Variants in RAPGEF6 observed in about 807,000 individuals in gnomAD.
RAPGEF6 encodes the protein Rap guanine nucleotide exchange factor 6.
Under a neutral mutation model 171.4 loss-of-function variants are expected in RAPGEF6, and 56 were observed. That is an observed-to-expected ratio of 0.33 (90% confidence interval 0.26 to 0.41). The LOEUF (loss-of-function observed/expected upper bound fraction) is 0.41, where lower values mean the gene tolerates loss of function less well. Among genes scored for constraint, RAPGEF6 ranks in the 10% least tolerant of loss-of-function variants. The probability of loss-of-function intolerance (pLI) is 1.00; values close to 1 mark genes in which losing one functional copy is unlikely to be tolerated. For missense variants in RAPGEF6, 1,674 were observed against 1,921.4 expected, an observed-to-expected ratio of 0.87 and a Z score of 2.41; for synonymous variants, 692 against 650.1, an observed-to-expected ratio of 1.06 and a Z score of -0.98.
At chr5:131,485,999 G>T (rs551478652) in intron 15 of RAPGEF6, among the ~76,000 whole-genome samples, 17 of 152,178 alleles carry the variant, frequency 1.1e-4, no homozygotes, top group African/African-American at 4.1e-4. Context: ...ATCCTCTAAA[G>T]AACATATTTA....
intron 21 of RAPGEF6, among the ~76,000 whole-genome samples, chr5:131,450,265 A>G (rs1361116281): frequency 1.3e-5 from 2 of 152,226 alleles, no homozygotes; most frequent in Non-Finnish European, 2.9e-5. Context: ...ATACTTTATA[A>G]AAATATGCTT....
At chr5:131,495,198 T>G (rs978347817) in intron 13 of RAPGEF6, among the ~76,000 whole-genome samples, 7 of 151,400 alleles carry the variant, frequency 4.6e-5, no homozygotes, top group African/African-American at 1.7e-4. Flanking sequence ...GAGGTTGAGG[T>G]AGGAGAGAAT....
At chr5:131,579,644 C>T (rs1337506067) in intron 4 of RAPGEF6, among the ~76,000 whole-genome samples, 1 of 152,050 alleles carries the variant, frequency 6.6e-6, no homozygotes, top group Non-Finnish European at 1.5e-5. Flanking sequence ...TTGAGCTAGA[C>T]ACAGGGTGCT....
At chr5:131,516,458 C>T (rs1758091618) in intron 7 of RAPGEF6, among the ~76,000 whole-genome samples, 1 of 152,164 alleles carries the variant, frequency 6.6e-6, no homozygotes, top group South Asian at 2.1e-4. Context: ...GAGATTGGCA[C>T]TCCGAGCTGT....
intron 5 of RAPGEF6, among the ~76,000 whole-genome samples, chr5:131,558,888 A>C (rs1324206858): frequency 6.6e-6 from 1 of 152,176 alleles, no homozygotes; most frequent in Non-Finnish European, 1.5e-5. Context: ...TTCCATGTGC[A>C]CTTGAAAAGT....
chr5:131,604,199 T>C (rs1764413196), intron 2 of RAPGEF6, among the ~76,000 whole-genome samples: 1 of 152,104 alleles, frequency 6.6e-6, no homozygotes, highest in African/African-American at 2.4e-5. Context: ...ATAATAAATA[T>C]CAACACAAAC....
intron 6 of RAPGEF6, among the ~76,000 whole-genome samples, chr5:131,546,140 T>C (rs1364492646): frequency 1.3e-5 from 2 of 152,166 alleles, no homozygotes; most frequent in Admixed American, 6.5e-5. Context: ...GAAAAGAAGA[T>C]ACTGAAGTTG....
chr5:131,433,706 T>C, intron 24 of RAPGEF6, 48 bp from the exon 25 acceptor site: 1 of 1,380,066 alleles, frequency 7.2e-7, no homozygotes, highest in Non-Finnish European at 1.0e-6. Flanking sequence ...AGGGAACATA[T>C]GGTGGGGGTA....
intron 5 of RAPGEF6, among the ~76,000 whole-genome samples, chr5:131,557,540 T>A (rs546887255): frequency 6.6e-6 from 1 of 152,160 alleles, no homozygotes; most frequent in Non-Finnish European, 1.5e-5. Context: ...TTTTTTCCAA[T>A]CTCTTTTTTC....
chr5:131,603,751 C>T (rs944490384), intron 2 of RAPGEF6, among the ~76,000 whole-genome samples: 2 of 151,864 alleles, frequency 1.3e-5, no homozygotes, highest in Non-Finnish European at 2.9e-5. Flanking sequence ...TTACAAAATG[C>T]TAATTTTTCA....
At chr5:131,622,669 A>G (rs1265827057) in intron 1 of RAPGEF6, among the ~76,000 whole-genome samples, 3 of 152,232 alleles carry the variant, frequency 2.0e-5, no homozygotes, top group Non-Finnish European at 4.4e-5. Context: ...ATGGGCCTGG[A>G]AAAGATGTTC....
intron 23 of RAPGEF6, chr5:131,440,353 C>T: frequency 2.6e-6 from 1 of 384,252 alleles, no homozygotes; most frequent in Non-Finnish European, 5.1e-6. Context: ...GTTTAGTGTA[C>T]CTCAAACTTA....
At chr5:131,485,664 T>C (rs1380857964) in intron 15 of RAPGEF6, among the ~76,000 whole-genome samples, 3 of 152,224 alleles carry the variant, frequency 2.0e-5, no homozygotes, top group Admixed American at 1.3e-4. Context: ...ATGGTATTCT[T>C]CTGCGAATTG....
At chr5:131,449,277 T>A (rs1312309756) in intron 21 of RAPGEF6, among the ~76,000 whole-genome samples, 1 of 152,094 alleles carries the variant, frequency 6.6e-6, no homozygotes, top group African/African-American at 2.4e-5. Flanking sequence ...ACAAATAGTG[T>A]CAGTTGCTGA....
chr5:131,426,722 GACT>G lies in RAPGEF6; in HGVS notation c.*541_*543del. 1.6e-5 allele frequency: 2 copies of G among 127,146 alleles called. No individual in the cohort carries two copies. Among genetic ancestry groups the G allele is most frequent in the Non-Finnish European group, 3.5e-5 (2 of 56,592 alleles). 7.9% of individuals were successfully genotyped at this position (127,146 alleles called of 1,614,324 possible). ...TCAAGCATATCACCTCTGTAAAGATGACTTCTGTTTGGTCAGACCAGAGACAAT... is the reference window on the plus strand; with the variant it reads ...TCAAGCATATCACCTCTGTAAAGATGTCTGTTTGGTCAGACCAGAGACAAT... On this transcript the variant is annotated 3_prime_UTR_variant, in exon 28 of 28. Coordinates refer to ENST00000509018, the MANE Select transcript of RAPGEF6 (RefSeq NM_016340.6).
chr5:131,522,888 G>A (rs1332823689), intron 6 of RAPGEF6, among the ~76,000 whole-genome samples: 4 of 152,112 alleles, frequency 2.6e-5, no homozygotes, highest in Admixed American at 1.3e-4. Flanking sequence ...GTAAACTGAT[G>A]CTAATTTTAG....
rs76326827 is a variant in RAPGEF6 at position 131,452,367 on chromosome 5, T to C, written c.3200+687A>G. Reference sequence around the variant, plus strand: ...GTTAATACAGAACACAATAAAATTTTTCATTTTTAGTAAAGTATGATTAAA... The same window carrying C: ...GTTAATACAGAACACAATAAAATTTCTCATTTTTAGTAAAGTATGATTAAA... On this transcript the variant is annotated intron_variant, in intron 21 of 27. Coordinates refer to ENST00000509018, the MANE Select transcript of RAPGEF6 (RefSeq NM_016340.6). 6.2e-3 allele frequency among the ~76,000 whole-genome samples: 947 copies of C among 152,328 alleles called. 24 individuals are homozygous for C. In the East Asian group the frequency reaches 0.083, roughly 13 times the overall value.
At chr5:131,556,087 T>C (rs965617556) in intron 5 of RAPGEF6, among the ~76,000 whole-genome samples, 1 of 151,802 alleles carries the variant, frequency 6.6e-6, no homozygotes, top group East Asian at 1.9e-4. Context: ...TATGGAACCA[T>C]TGTCATACAT....
At chr5:131,498,356 A>C (rs1756773027) in intron 12 of RAPGEF6, 87 bp downstream of exon 12, 2 of 1,233,428 alleles carry the variant, frequency 1.6e-6, no homozygotes, top group Non-Finnish European at 2.3e-6. Context: ...TCTTATTATC[A>C]TAATAAACAG....
Sources: gnomAD v4.1 joint callset for allele counts (sites outside exome capture counted in the v4.1 genomes callset) on GRCh38, gnomAD v4.1.1 for gene constraint, MANE v1.5 for transcripts, NCBI Gene and HGNC (gene_info 2026-07-23, HGNC 2026-07-21) for gene names.